EIF3A: variants seen among roughly 807,000 people sequenced by gnomAD.
EIF3A encodes EIF3, p180 subunit.
In EIF3A, 21 loss-of-function variants were observed where a neutral mutation model predicts 186.6. That is an observed-to-expected ratio of 0.11 (90% CI 0.08 to 0.16). The LOEUF (loss-of-function observed/expected upper bound fraction) is 0.16, where lower values mean the gene tolerates loss of function less well. Ranked by LOEUF, EIF3A falls within the 10% of genes least tolerant of loss-of-function variation. The pLI is 1.00. For synonymous variants in EIF3A, 563 were observed against 584.3 expected (o/e 0.96, Z 0.52); for missense variants, 1,306 against 1,796.3 (o/e 0.73, Z 4.93).
intron 5 of EIF3A, among the ~76,000 whole-genome samples, chr10:119,070,399 C>T (rs1039179471): frequency 2.6e-5 from 4 of 152,096 alleles, no homozygotes; most frequent in African/African-American, 7.2e-5. Context: ...GTAAAGGATT[C>T]GGTTTGTTTT....
At chr10:119,044,992 T>G (rs1433695240) in intron 17 of EIF3A, among the ~76,000 whole-genome samples, 2 of 150,220 alleles carry the variant, frequency 1.3e-5, no homozygotes, top group African/African-American at 5.0e-5. Context: ...TTACCCAGGA[T>G]GGAGTGCAGT....
rs1308683339 is a variant in EIF3A, at chr10:119,034,739, AACT to A, written c.*1297_*1299del. 1 of 152,218 alleles carries A rather than the reference AACT, an allele frequency of 6.6e-6. No homozygotes were observed. The highest frequency in any genetic ancestry group is 2.4e-5 in the African/African-American group (1 of 41,452). The allele number at this position is 152,218 out of a possible 1,614,324, so 9.4% of individuals were successfully genotyped here. ...TGAATTTGTAACATTTTCTCAAATTAACTACGATTTTTCTAATTTCAGGTGAAA... is the reference window on the plus strand; with the variant it reads ...TGAATTTGTAACATTTTCTCAAATTAACGATTTTTCTAATTTCAGGTGAAA... On this transcript the variant is annotated 3_prime_UTR_variant, in exon 22 of 22. Coordinates refer to ENST00000369144, the MANE Select transcript of EIF3A (RefSeq NM_003750.4).
chr10:119,035,995 T>C lies in EIF3A; in HGVS notation c.*44A>G, dbSNP rs1848122611. The stretch of plus-strand genomic sequence containing the variant: ...CAAGTATAATAATCCTTGAATGTGA[T>C]CAAACCTATTTAAGACACCAGTTTA... On this transcript the variant is annotated 3_prime_UTR_variant, in exon 22 of 22. Coordinates refer to ENST00000369144, the MANE Select transcript of EIF3A (RefSeq NM_003750.4). 7.0e-7 allele frequency: 1 copy of C among 1,434,716 alleles called. No individual in the cohort carries two copies. Among genetic ancestry groups the C allele is most frequent in the Non-Finnish European group, 9.8e-7 (1 of 1,017,358 alleles). The allele number at this position is 1,434,716 out of a possible 1,614,324, so 88.9% of individuals were successfully genotyped here. A position where few individuals can be genotyped will look rare whatever the true frequency, so the allele number is the denominator to read the frequency against.
At chr10:119,052,924 T>C (rs970792481) in intron 14 of EIF3A, among the ~76,000 whole-genome samples, 1 of 152,194 alleles carries the variant, frequency 6.6e-6, no homozygotes, top group African/African-American at 2.4e-5. Flanking sequence ...AGCTACAGGT[T>C]TATGAAATAT....
At position 119,056,826 on chromosome 10, in the gene EIF3A, A is replaced by C. The variant is rs772366328; in HGVS notation, c.2110T>G (p.Leu704Val). The change falls in exon 14 of 22, where the codon TTG (leucine) becomes GTG (valine). Residue 704 changes from leucine (L) to valine (V), a missense_variant. Transcript: ENST00000369144. ...KIDYFERAKR[L>V]EEIPLIKSAY... ...CTCTTTATCAAAGGAATTTCTTCCA[A>C]ACGTTTGGCTCTTTCAAAATAGTCA... 1 of 1,613,708 alleles carries C rather than the reference A, an allele frequency of 6.2e-7. No homozygotes were observed. The highest frequency in any genetic ancestry group is 8.5e-7 in the Non-Finnish European group (1 of 1,179,734).
chr10:119,051,087 A>C, intron 15 of EIF3A, 112 bp downstream of exon 15: 1 of 868,112 alleles, frequency 1.2e-6, no homozygotes, highest in Non-Finnish European at 1.7e-6. Context: ...TATTTGAATG[A>C]CCGTTACACA....
At chr10:119,037,348 T>C in intron 20 of EIF3A, 39 bp from the exon 21 acceptor site, 2 of 1,556,116 alleles carry the variant, frequency 1.3e-6, no homozygotes, top group Non-Finnish European at 1.8e-6. Context: ...TTCTTACTGT[T>C]AGACCAAATG....
Position 119,073,713 on chromosome 10 carries a change from T to A in EIF3A, c.240+34A>T, listed in dbSNP as rs765789013. 6 of 1,568,826 alleles carry A rather than the reference T, an allele frequency of 3.8e-6. No homozygotes were observed. In the Admixed American group the frequency reaches 1.2e-4, roughly 31 times the overall value. Reference sequence around the variant, plus strand: ...TTCTTCGGCAGATTACTAAAAACACTTGTTAAAAATATACAACCCAGTTCC... The same window carrying A: ...TTCTTCGGCAGATTACTAAAAACACATGTTAAAAATATACAACCCAGTTCC... On this transcript the variant is annotated intron_variant, in intron 2 of 21. Coordinates refer to ENST00000369144, the MANE Select transcript of EIF3A (RefSeq NM_003750.4).
At chr10:119,039,880 T>C (rs1480495569) in intron 19 of EIF3A, among the ~76,000 whole-genome samples, 1 of 152,064 alleles carries the variant, frequency 6.6e-6, no homozygotes, top group African/African-American at 2.4e-5. Context: ...TATTGATTGG[T>C]TGACAAAAAT....
chr10:119,070,834 A>C, intron 5 of EIF3A, 52 bp downstream of exon 5: 1 of 1,314,194 alleles, frequency 7.6e-7, no homozygotes, highest in South Asian at 1.2e-5. Context: ...GGGGGGAGAA[A>C]AGTAACACAG....
intron 12 of EIF3A, 56 bp downstream of exon 12, chr10:119,057,899 TA>T: frequency 7.3e-7 from 1 of 1,375,096 alleles, no homozygotes; most frequent in South Asian, 1.3e-5. Flanking sequence ...ACTGTGGTTC[TA>T]AGAGTACAAA....
At chr10:119,064,007 A>G (rs1312665294) in intron 7 of EIF3A, among the ~76,000 whole-genome samples, 1 of 152,126 alleles carries the variant, frequency 6.6e-6, no homozygotes, top group African/African-American at 2.4e-5. Context: ...TGAACCTGGG[A>G]GGTGGGGGTT....
Position 119,049,609 on chromosome 10 carries a change from A to T in EIF3A, c.2658+192T>A, listed in dbSNP as rs2119818587. Among the ~76,000 whole-genome samples, 3 of 152,156 alleles carry T rather than the reference A, an allele frequency of 2.0e-5. No homozygotes were observed. In the Middle Eastern group the frequency reaches 0.01, roughly 518 times the overall value. On this transcript the variant is annotated intron_variant, in intron 17 of 21. Transcript: ENST00000369144. The stretch of plus-strand genomic sequence containing the variant: ...TACATCACAATTACAAAAATCAGCC[A>T]GGCATGGTGGTATGCACCTGTAATC...
At position 119,071,048 on chromosome 10, in the gene EIF3A, T is replaced by C; in HGVS notation, c.579A>G (p.Glu193=). The change falls in exon 5 of 22, where the codon GAA becomes GAG. Residue 193 remains glutamate, a synonymous_variant. Transcript: ENST00000369144. ...TCAAATTGTCACACAGTTTACGGAA[T>C]TCAGCCTTACGCGTGTATTGGAGGC... is the stretch of plus-strand genomic sequence containing the variant. The part of the protein sequence containing the change: ...KFCLQYTRKA[E]FRKLCDNLRM... The C allele has an allele frequency of 6.2e-7, 1 of 1,614,220 alleles. No homozygotes were observed. The highest frequency in any genetic ancestry group is 1.6e-4 in the Middle Eastern group (1 of 6,062).
intron 1 of EIF3A, among the ~76,000 whole-genome samples, chr10:119,077,190 C>T (rs190252478): frequency 6.6e-5 from 10 of 152,258 alleles, no homozygotes; most frequent in Admixed American, 2.0e-4. Context: ...CTTAGCCAGG[C>T]GCGGTGGCTC....
intron 14 of EIF3A, among the ~76,000 whole-genome samples, chr10:119,053,109 T>A (rs1375168517): frequency 6.6e-6 from 1 of 152,206 alleles, no homozygotes; most frequent in Non-Finnish European, 1.5e-5. Context: ...GAAAACTTTT[T>A]TTTTTGAGCA....
chr10:119,054,498 T>C (rs1848398288), intron 14 of EIF3A, among the ~76,000 whole-genome samples: 1 of 150,244 alleles, frequency 6.7e-6, no homozygotes, highest in South Asian at 2.1e-4. Flanking sequence ...GCAGATCACC[T>C]GAGGCCAGGA....
chr10:119,076,206 G>A (rs1323659094), intron 1 of EIF3A, among the ~76,000 whole-genome samples: 1 of 150,912 alleles, frequency 6.6e-6, no homozygotes, highest in African/African-American at 2.4e-5. Flanking sequence ...GGTGATGCAC[G>A]CCCGTAATCC....
Position 119,059,730 on chromosome 10 carries a change from A to T in EIF3A, c.1327-12T>A. Reference sequence around the variant, plus strand: ...TAAATCTGTGACACCTGCATAGAAAACAAAGGGTTAATAACACTAGCCACT... The same window carrying T: ...TAAATCTGTGACACCTGCATAGAAATCAAAGGGTTAATAACACTAGCCACT... On this transcript the variant is annotated splice_polypyrimidine_tract_variant and intron_variant, in intron 9 of 21. Transcript: ENST00000369144. 6.4e-7 allele frequency: 1 copy of T among 1,560,930 alleles called. No individual in the cohort carries two copies. Among genetic ancestry groups the T allele is most frequent in the Non-Finnish European group, 8.8e-7 (1 of 1,131,468 alleles).
Sources: allele counts gnomAD v4.1 joint callset (sites outside exome capture counted in the v4.1 genomes callset), GRCh38; gene constraint gnomAD v4.1.1; transcripts MANE v1.5; gene names NCBI Gene and HGNC (gene_info 2026-07-23, HGNC 2026-07-21).